The following WWC2 variants were observed in gnomAD, a reference collection of about 807,000 sequenced individuals.
WWC2 encodes WW and C2 domain containing 2, also known as protein WWC2.
WWC2 carries 101 observed loss-of-function variants against 138.5 expected under a neutral mutation model. The ratio of observed to expected loss-of-function variants is 0.73; its 90% CI spans 0.62 to 0.86. The LOEUF is 0.86. Among genes scored for constraint, WWC2 ranks in the 40% least tolerant of loss-of-function variants. The probability of loss-of-function intolerance (pLI) is 0.00; values close to 1 mark genes in which losing one functional copy is unlikely to be tolerated. For missense variants in WWC2, 1,420 were observed against 1,419.4 expected (o/e 1.00, Z -0.01); for synonymous variants, 558 against 538.4 (o/e 1.04, Z -0.50).
intron 4 of WWC2, among the ~76,000 whole-genome samples, chr4:183,220,076 C>G (rs1048608882): frequency 5.9e-5 from 9 of 152,064 alleles, no homozygotes; most frequent in African/African-American, 2.2e-4. Flanking sequence ...GAGAGGCCAA[C>G]ATGGGAAGAA....
At chr4:183,226,152 A>C (rs150792303) in intron 4 of WWC2, among the ~76,000 whole-genome samples, 4 of 139,152 alleles carry the variant, frequency 2.9e-5, no homozygotes, top group African/African-American at 5.5e-5. Context: ...GGCTGAGTGC[A>C]GTGGTGGAAT....
chr4:183,309,418 C>T (rs1415209777), intron 21 of WWC2, among the ~76,000 whole-genome samples: 1 of 152,172 alleles, frequency 6.6e-6, no homozygotes, highest in Non-Finnish European at 1.5e-5. Context: ...TAAAAATCGG[C>T]AAAAGACCTG....
intron 1 of WWC2, among the ~76,000 whole-genome samples, chr4:183,112,535 C>T (rs1732267709): frequency 6.6e-6 from 1 of 152,250 alleles, no homozygotes; most frequent in Non-Finnish European, 1.5e-5. Flanking sequence ...GTCATTCACT[C>T]AGTCACTCAT....
At chr4:183,167,052 C>T (rs767699115) in intron 1 of WWC2, among the ~76,000 whole-genome samples, 6 of 152,092 alleles carry the variant, frequency 3.9e-5, no homozygotes, top group Non-Finnish European at 5.9e-5. Flanking sequence ...GTCATTTGCA[C>T]CATGGAAATT....
intron 1 of WWC2, among the ~76,000 whole-genome samples, chr4:183,177,729 A>G (rs1734506073): frequency 6.6e-6 from 1 of 152,096 alleles, no homozygotes; most frequent in African/African-American, 2.4e-5. Flanking sequence ...TCATCTTTGA[A>G]ATGTTAAGCA....
chr4:183,129,526 G>A (rs981284518), intron 1 of WWC2, among the ~76,000 whole-genome samples: 1 of 152,142 alleles, frequency 6.6e-6, no homozygotes, highest in African/African-American at 2.4e-5. Context: ...AAGAAGACCT[G>A]CATCTTTTTC....
At chr4:183,264,905 CTATG>C in intron 11 of WWC2, 69 bp from the exon 12 acceptor site, 1 of 1,429,116 alleles carries the variant, frequency 7.0e-7, no homozygotes, top group South Asian at 1.7e-5. Flanking sequence ...CATGACCAAA[CTATG>C]TATGTATTTA....
intron 1 of WWC2, among the ~76,000 whole-genome samples, chr4:183,143,281 G>A (rs956201845): frequency 1.2e-4 from 18 of 152,130 alleles, no homozygotes; most frequent in African/African-American, 4.3e-4. Context: ...CAGTGATGGC[G>A]TCGATGTGGC....
intron 1 of WWC2, among the ~76,000 whole-genome samples, chr4:183,125,301 T>C (rs990040330): frequency 5.9e-5 from 9 of 152,220 alleles, no homozygotes; most frequent in African/African-American, 1.7e-4. Flanking sequence ...CACATATTTC[T>C]AGTTATATAT....
chr4:183,155,820 C>T (rs191577367), intron 1 of WWC2, among the ~76,000 whole-genome samples: 299 of 152,130 alleles, frequency 2.0e-3, no homozygotes, highest in Non-Finnish European at 3.3e-3. Context: ...GCCAAGACAC[C>T]CCTTAAGAAG....
Position 183,312,447 on chromosome 4 carries a change from C to T in WWC2, c.3491C>T (p.Pro1164Leu). The T allele has an allele frequency of 6.2e-7, 1 of 1,613,742 alleles. No individual in the cohort carries two copies. Among genetic ancestry groups the T allele is most frequent in the Non-Finnish European group, 8.5e-7 (1 of 1,179,728 alleles). Residue 1164 changes from proline (P) to leucine (L), a missense_variant, in exon 22 of 23, where the codon CCT (proline) becomes CTT (leucine). Transcript: ENST00000403733. ...CRLREQSQKVPRQVQSFREKI... is the reference protein window; with the variant it reads ...CRLREQSQKVLRQVQSFREKI... ...CTCCGGGAGCAGAGCCAGAAGGTGC[C>T]TCGGCAGGTGCAGTCCTTCAGGTGA...
In WWC2 at chr4:183,289,403, A is replaced by G; in HGVS notation, c.3152A>G (p.Gln1051Arg). 2 of 1,611,496 alleles carry G rather than the reference A, an allele frequency of 1.2e-6. No individual in the cohort carries two copies. The highest frequency in any genetic ancestry group is 2.2e-5 in the South Asian group (2 of 90,462). The change falls in exon 21 of 23, where the codon CAG becomes CGG. Residue 1051 changes from glutamine to arginine, a missense_variant. By Grantham distance (43) the Gln-to-Arg change is conservative (BLOSUM62 1). Coordinates refer to ENST00000403733, the MANE Select transcript of WWC2 (RefSeq NM_024949.6). ...TTTCTAACTATCCAGACGGTTTGCC[A>G]GTCAGTCCTTAGAAGAACAACACAG... Reference protein sequence around the residue: ...RSLRVKRTVCQSVLRRTTQEC... With the variant: ...RSLRVKRTVCRSVLRRTTQEC...
chr4:183,161,911 A>G (rs1316611922), intron 1 of WWC2, among the ~76,000 whole-genome samples: 1 of 152,176 alleles, frequency 6.6e-6, no homozygotes, highest in Non-Finnish European at 1.5e-5. Context: ...ATGTTCCACC[A>G]TTTGAGAGAC....
chr4:183,205,616 T>C (rs1735427360), intron 2 of WWC2, among the ~76,000 whole-genome samples: 1 of 152,216 alleles, frequency 6.6e-6, no homozygotes, highest in Non-Finnish European at 1.5e-5. Flanking sequence ...GTTTTATATT[T>C]TTTTTCTTCT....
At chr4:183,175,380 G>T (rs1383225878) in intron 1 of WWC2, among the ~76,000 whole-genome samples, 1 of 151,986 alleles carries the variant, frequency 6.6e-6, no homozygotes, top group African/African-American at 2.4e-5. Context: ...TCCCACCTCA[G>T]TCTCCCAAGT....
chr4:183,246,599 T>A (rs887303360), intron 6 of WWC2, among the ~76,000 whole-genome samples: 14 of 152,166 alleles, frequency 9.2e-5, no homozygotes, highest in Admixed American at 5.2e-4. Context: ...TATAAATAAT[T>A]CCCTTGATCC....
chr4:183,100,601 G>A (rs1743147324), intron 1 of WWC2, among the ~76,000 whole-genome samples: 1 of 152,084 alleles, frequency 6.6e-6, no homozygotes, highest in Admixed American at 6.5e-5. Flanking sequence ...TATTGAATGT[G>A]GCCCTTTGGG....
chr4:183,113,962 T>TA, intron 1 of WWC2, among the ~76,000 whole-genome samples: 1 of 152,098 alleles, frequency 6.6e-6, no homozygotes, highest in Non-Finnish European at 1.5e-5. Context: ...ATAAAAGAGT[T>TA]ACCATTAGGG....
chr4:183,286,129 C>T, intron 20 of WWC2, 70 bp downstream of exon 20: 1 of 1,368,644 alleles, frequency 7.3e-7, no homozygotes, highest in South Asian at 1.2e-5. Context: ...GCAGCACAAA[C>T]TCCAGAACTA....
Sources: allele counts gnomAD v4.1 joint callset (sites outside exome capture counted in the v4.1 genomes callset), GRCh38; gene constraint gnomAD v4.1.1; transcripts MANE v1.5; gene names NCBI Gene and HGNC (gene_info 2026-07-23, HGNC 2026-07-21).